The following PLXND1 variants were observed in gnomAD, a reference collection of about 807,000 sequenced individuals.
The protein encoded by PLXND1 is plexin-D1.
PLXND1 carries 54 observed loss-of-function variants against 197.7 expected under a neutral mutation model. The ratio of observed to expected loss-of-function variants is 0.27; its 90% confidence interval spans 0.22 to 0.34. PLXND1 has a LOEUF of 0.34. Ranked by LOEUF, PLXND1 falls within the 10% of genes least tolerant of loss-of-function variation. The probability of loss-of-function intolerance (pLI) is 1.00; values close to 1 mark genes in which losing one functional copy is unlikely to be tolerated. For synonymous variants in PLXND1, 1,180 were observed against 1,161.2 expected, an observed-to-expected ratio of 1.02 and a Z score of -0.33; for missense variants, 2,127 against 2,699.2, an observed-to-expected ratio of 0.79 and a Z score of 4.70.
chr3:129,585,916 TGTC>T, intron 5 of PLXND1, 33 bp downstream of exon 5: 1 of 1,612,640 alleles, frequency 6.2e-7, no homozygotes, highest in Non-Finnish European at 8.5e-7. Flanking sequence ...GGCTCCCCTG[TGTC>T]CCGAGCTGGG....
chr3:129,585,105 C>G (rs1313806286), intron 5 of PLXND1, among the ~76,000 whole-genome samples: 1 of 152,200 alleles, frequency 6.6e-6, no homozygotes, highest in Admixed American at 6.5e-5. Context: ...CTGATGTGTC[C>G]CCAGAGTCCA....
chr3:129,557,186 A>G lies in PLXND1; in HGVS notation c.5483T>C (p.Ile1828Thr). ...PTNKLLYAKE[I>T]PEYRKIVQRY... ...CTGCACGATCTTCCGGTACTCAGGA[A>G]TCTCCTTGGCGTAGAGGAGCTTGTT... Residue 1828 changes from isoleucine to threonine, a missense_variant, in exon 34 of 36, where the codon ATT (isoleucine) becomes ACT (threonine). By Grantham distance (89) the Ile-to-Thr change is moderately conservative (BLOSUM62 -1). Coordinates refer to ENST00000324093, the MANE Select transcript of PLXND1 (RefSeq NM_015103.3). This position sits in a 1 kb window ranked among gnomAD's most constrained non-coding sequence, Gnocchi z 4.8. 1 of 1,614,118 alleles carries G rather than the reference A, an allele frequency of 6.2e-7. No homozygotes were observed. Among genetic ancestry groups the G allele is most frequent in the South Asian group, 1.1e-5 (1 of 91,080 alleles).
chr3:129,562,114 C>T (rs2085070749), intron 27 of PLXND1, among the ~76,000 whole-genome samples: 1 of 152,070 alleles, frequency 6.6e-6, no homozygotes, highest in African/African-American at 2.4e-5. Context: ...AGAGAAGGTG[C>T]CAGGGTGGAG....
At chr3:129,573,542 G>C (rs918328960) in intron 13 of PLXND1, 52 bp downstream of exon 13, 1 of 1,544,242 alleles carries the variant, frequency 6.5e-7, no homozygotes, top group Non-Finnish European at 8.9e-7. Flanking sequence ...GGAGGACAGA[G>C]CAGAGGCTGG....
chr3:129,564,536 G>T (rs903126978), intron 25 of PLXND1, among the ~76,000 whole-genome samples: 2 of 152,202 alleles, frequency 1.3e-5, no homozygotes, highest in African/African-American at 4.8e-5. Context: ...TGGGCTCCAG[G>T]CAGGCCTTTG....
Position 129,572,705 on chromosome 3 carries a change from G to A in PLXND1, c.2981C>T (p.Ala994Val), listed in dbSNP as rs1246431449. 6 of 1,602,284 alleles carry A rather than the reference G, an allele frequency of 3.7e-6. No homozygotes were observed. The East Asian group carries it at 1.3e-4, about 36-fold the overall frequency. ...ATGGATGGTGATCCTGGTGCCCCCG[G>A]CCTTGGGGCCCATGGTAGGCTCCAG... ...HSLEPTMGPK[A>V]GGTRITIHGN... Residue 994 changes from alanine (A) to valine (V), a missense_variant, in exon 15 of 36, where the codon GCC becomes GTC. Ala to Val is a moderately conservative substitution (Grantham distance 64). Coordinates refer to ENST00000324093, the MANE Select transcript of PLXND1 (RefSeq NM_015103.3).
At chr3:129,561,012 G>A in intron 29 of PLXND1, 1 of 561,774 alleles carries the variant, frequency 1.8e-6, no homozygotes, top group Non-Finnish European at 3.4e-6. Context: ...ACAGAGTGAG[G>A]CAGAGAGAGA....
Position 129,605,999 on chromosome 3 carries a change from G to T in PLXND1, c.641C>A (p.Thr214Asn), listed in dbSNP as rs910538669. 1 of 1,610,320 alleles carries T rather than the reference G, an allele frequency of 6.2e-7. No homozygotes were observed. The highest frequency in any genetic ancestry group is 1.7e-5 in the Admixed American group (1 of 59,934). ...GSRLLVGATY[T>N]GYGSSFFPRN... ...CGGGAAGAAGGAGCTGCCGTAACCG[G>T]TGTACGTGGCGCCCACGAGCAGGCG... Residue 214 changes from threonine to asparagine, a missense_variant, in exon 1 of 36, where the codon ACC becomes AAC. By Grantham distance (65) the Thr-to-Asn change is moderately conservative (BLOSUM62 0). Coordinates refer to ENST00000324093, the MANE Select transcript of PLXND1 (RefSeq NM_015103.3).
At chr3:129,574,222 C>T (rs1189044833) in intron 12 of PLXND1, 114 bp downstream of exon 12, 3 of 921,458 alleles carry the variant, frequency 3.3e-6, no homozygotes, top group Non-Finnish European at 4.8e-6. Flanking sequence ...TGATACTGCA[C>T]CCATGTGTCG....
chr3:129,562,296 T>C (rs2085073391), intron 27 of PLXND1, among the ~76,000 whole-genome samples: 1 of 152,196 alleles, frequency 6.6e-6, no homozygotes, highest in Non-Finnish European at 1.5e-5. Context: ...GAGGATCGCT[T>C]GAGCCCAGGA....
chr3:129,579,629 T>C (rs553837728), intron 8 of PLXND1, among the ~76,000 whole-genome samples: 5 of 152,242 alleles, frequency 3.3e-5, no homozygotes, highest in Admixed American at 2.6e-4. Context: ...ACTGGGGACC[T>C]TGGAGCAGCC....
Position 129,567,721 on chromosome 3 carries a change from T to A in PLXND1, c.3950A>T (p.Gln1317Leu). The A allele has an allele frequency of 6.2e-7, 1 of 1,611,094 alleles. No homozygotes were observed. The highest frequency in any genetic ancestry group is 8.5e-7 in the Non-Finnish European group (1 of 1,177,226). ...TLLQMEEMESQIREEIRKGFA... is the reference protein window; with the variant it reads ...TLLQMEEMESLIREEIRKGFA... ...ACCTTTGCGGATTTCCTCTCGGATC[T>A]GAGATTCCATCTCCTCCATCTGCAG... is the stretch of plus-strand genomic sequence containing the variant. The change falls in exon 21 of 36, where the codon CAG becomes CTG. Residue 1317 changes from glutamine to leucine, a missense_variant. Coordinates refer to ENST00000324093, the MANE Select transcript of PLXND1 (RefSeq NM_015103.3).
intron 27 of PLXND1, 118 bp from the exon 28 acceptor site, chr3:129,562,021 C>T: frequency 1.4e-6 from 1 of 695,546 alleles, no homozygotes; most frequent in Admixed American, 2.2e-5. Context: ...CTGAGGCAAG[C>T]CATACCTCTC....
rs1272079024 is a variant in PLXND1, at chr3:129,573,872, G to A, written c.2686-127C>T. ...CCCACTGCTTAGAGGAAGGTCTGGA[G>A]GCTCAGGTGGGGCTGGGACTGTGGC... On this transcript the variant is annotated intron_variant, in intron 12 of 35. Transcript: ENST00000324093. 7 of 1,043,372 alleles carry A rather than the reference G, an allele frequency of 6.7e-6. No homozygotes were observed. In the African/African-American group the frequency reaches 9.5e-5, roughly 14 times the overall value. 64.6% of individuals were successfully genotyped at this position (1,043,372 alleles called of 1,614,324 possible). A position where few individuals can be genotyped will look rare whatever the true frequency, so the allele number is the denominator to read the frequency against.
intron 2 of PLXND1, 44 bp downstream of exon 2, chr3:129,589,307 G>GCCGGCCCCCCCCCCCCCCCCC: frequency 3.7e-5 from 25 of 684,678 alleles, no homozygotes; most frequent in East Asian, 7.2e-5. Context: ...TCCCAGGGGA[G>GCCGGCCCCCCCCCCCCCCCCC]CCTCCCACCC....
chr3:129,594,312 T>G (rs2085589107), intron 1 of PLXND1, among the ~76,000 whole-genome samples: 1 of 152,138 alleles, frequency 6.6e-6, no homozygotes, highest in Admixed American at 6.5e-5. Context: ...ATGATCACTT[T>G]GGGGTATTAA....
rs1400162758 is a variant in PLXND1 at position 129,585,938 on chromosome 3, C to T, written c.1851+14G>A. ...CTGTGTCCCGAGCTGGGTCTTGCCTCCCCCAGGACTCACTGGGTACTCCTG... is the reference window on the plus strand; with the variant it reads ...CTGTGTCCCGAGCTGGGTCTTGCCTTCCCCAGGACTCACTGGGTACTCCTG... On this transcript the variant is annotated intron_variant, in intron 5 of 35. Transcript: ENST00000324093. The T allele has an allele frequency of 2.5e-6, 4 of 1,613,820 alleles. No individual in the cohort carries two copies. The highest frequency in any genetic ancestry group is 2.2e-5 in the South Asian group (2 of 91,022).
At chr3:129,560,947 T>A in intron 29 of PLXND1, 1 of 663,908 alleles carries the variant, frequency 1.5e-6, no homozygotes, top group Non-Finnish European at 2.8e-6. Flanking sequence ...GGAGACTGAG[T>A]CTGGGAGAGA....
At chr3:129,583,720 T>A in intron 7 of PLXND1, 51 bp from the exon 8 acceptor site, 2 of 1,241,674 alleles carry the variant, frequency 1.6e-6, no homozygotes, top group Non-Finnish European at 2.3e-6. Flanking sequence ...CCTCAACTCA[T>A]CCCTGTCCCA....
Sources: gnomAD v4.1 joint callset for allele counts (sites outside exome capture counted in the v4.1 genomes callset) on GRCh38, gnomAD v4.1.1 for gene constraint, Gnocchi (gnomAD v3.1) non-coding constraint, MANE v1.5 for transcripts, NCBI Gene and HGNC (gene_info 2026-07-23, HGNC 2026-07-21) for gene names.